ZNF644: variants seen among roughly 807,000 people sequenced by gnomAD.
The protein encoded by ZNF644 is zinc finger protein 644, also known as zinc finger motif enhancer binding protein 2.
In ZNF644, 20 loss-of-function variants were observed where a neutral mutation model predicts 108.0. The observed-to-expected ratio is 0.19, with a 90% CI of 0.13 to 0.27. The LOEUF is 0.27. Ranked by LOEUF, ZNF644 falls within the 10% of genes least tolerant of loss-of-function variation. ZNF644 has a pLI of 1.00. For synonymous variants in ZNF644, 542 were observed against 539.1 expected (o/e 1.01, Z -0.08); for missense variants, 1,338 against 1,548.9 (o/e 0.86, Z 2.29).
At chr1:91,005,999 C>T (rs993111721) in intron 1 of ZNF644, among the ~76,000 whole-genome samples, 1 of 151,672 alleles carries the variant, frequency 6.6e-6, no homozygotes, top group African/African-American at 2.4e-5. Flanking sequence ...AATTGACAAA[C>T]CTTTAGCTCA....
intron 1 of ZNF644, among the ~76,000 whole-genome samples, chr1:90,990,710 A>G (rs1366471196): frequency 2.6e-5 from 4 of 152,234 alleles, no homozygotes; most frequent in Non-Finnish European, 5.9e-5. Flanking sequence ...AAACTATCCA[A>G]GCAAGGAAGA....
chr1:90,967,239 C>G (rs1304730488), intron 2 of ZNF644, among the ~76,000 whole-genome samples: 1 of 152,132 alleles, frequency 6.6e-6, no homozygotes, highest in Non-Finnish European at 1.5e-5. Flanking sequence ...TTCCCTTGGT[C>G]TGGAATCCTC....
At chr1:91,010,735 T>TGGAGCTTCTA (rs1557662505) in intron 1 of ZNF644, among the ~76,000 whole-genome samples, 1 of 151,964 alleles carries the variant, frequency 6.6e-6, no homozygotes, top group Non-Finnish European at 1.5e-5. Context: ...CATGAGCTCT[T>TGGAGCTTCTA]TGGAGTAGAA....
At chr1:90,924,241 G>A (rs621261) in intron 4 of ZNF644, among the ~76,000 whole-genome samples, 21,292 of 152,106 alleles carry the variant, frequency 0.14, 1,561 homozygotes, top group African/African-American at 0.17. Flanking sequence ...TCTTTGTGGT[G>A]ACAGGTAAGA....
At chr1:90,943,168 G>A (rs376649559) in intron 2 of ZNF644, among the ~76,000 whole-genome samples, 3 of 152,012 alleles carry the variant, frequency 2.0e-5, no homozygotes, top group East Asian at 3.9e-4. Context: ...TAGGCTGGGC[G>A]CGGTGGCTCA....
intron 2 of ZNF644, among the ~76,000 whole-genome samples, chr1:90,951,844 C>T (rs1653206189): frequency 6.6e-6 from 1 of 152,180 alleles, no homozygotes; most frequent in African/African-American, 2.4e-5. Flanking sequence ...AAGAGAGCTG[C>T]CCAGAATCTT....
intron 1 of ZNF644, 148 bp downstream of exon 1, chr1:91,021,842 G>C (rs1291461694): frequency 2.5e-6 from 1 of 397,294 alleles, no homozygotes; most frequent in Non-Finnish European, 4.4e-6. Flanking sequence ...CTGGGACCCA[G>C]CCTAGGGCGT....
intron 4 of ZNF644, among the ~76,000 whole-genome samples, chr1:90,930,025 G>A (rs1250707130): frequency 6.6e-6 from 1 of 152,162 alleles, no homozygotes; most frequent in East Asian, 1.9e-4. Flanking sequence ...AGTGGCTCAC[G>A]CCTGTAATCC....
intron 2 of ZNF644, among the ~76,000 whole-genome samples, chr1:90,977,641 A>G (rs1656142794): frequency 6.6e-6 from 1 of 152,216 alleles, no homozygotes; most frequent in Admixed American, 6.5e-5. Context: ...ACTAGCAATA[A>G]GAGTATTAAG....
chr1:90,922,624 T>C (rs1557543158), intron 4 of ZNF644, among the ~76,000 whole-genome samples: 1 of 152,124 alleles, frequency 6.6e-6, no homozygotes. Context: ...GGGGTACACG[T>C]GCAGGTTTGT....
chr1:90,957,343 A>G (rs1037941231), intron 2 of ZNF644, among the ~76,000 whole-genome samples: 8 of 152,190 alleles, frequency 5.3e-5, no homozygotes, highest in African/African-American at 1.9e-4. Flanking sequence ...AGAAAACTAC[A>G]AATATCCATT....
intron 1 of ZNF644, among the ~76,000 whole-genome samples, chr1:90,986,315 G>A (rs358692): frequency 2.7e-5 from 4 of 150,820 alleles, no homozygotes; most frequent in African/African-American, 2.4e-5. Flanking sequence ...AAGGTGAAAA[G>A]AAAAAACAAA....
At chr1:90,952,082 C>A (rs1051734184) in intron 2 of ZNF644, among the ~76,000 whole-genome samples, 3 of 152,158 alleles carry the variant, frequency 2.0e-5, no homozygotes, top group African/African-American at 7.2e-5. Flanking sequence ...CCCTGACTCC[C>A]AGTCTTAGAA....
At position 90,937,849 on chromosome 1, in the gene ZNF644, A is replaced by G. The variant is rs151203549; in HGVS notation, c.3324T>C (p.Ala1108=). Residue 1108 remains alanine (A), a synonymous_variant, in exon 4 of 6, where the codon GCT becomes GCC. Transcript: ENST00000337393. ...AGTCATCACTTGATGCAAGTTTTTG[A>G]GCTACAAATGGTCTGGGAATAATAC... ...SRRIIPRPFV[A]QKLASSDDFI... 4.9e-4 allele frequency: 794 copies of G among 1,613,868 alleles called. 4 individuals are homozygous for G. The African/African-American group carries it at 9.5e-3, about 19-fold the overall frequency.
intron 5 of ZNF644, 34 bp from the exon 6 acceptor site, chr1:90,917,024 A>G (rs574128925): frequency 1.9e-6 from 3 of 1,606,692 alleles, no homozygotes; most frequent in Middle Eastern, 1.7e-4. Context: ...TAACATGACC[A>G]ATTCTCTTTC....
intron 2 of ZNF644, 60 bp from the exon 3 acceptor site, chr1:90,941,369 A>C: frequency 6.9e-7 from 1 of 1,441,106 alleles, no homozygotes; most frequent in Non-Finnish European, 9.5e-7. Context: ...ATTAGAATGT[A>C]TGGAGAGTTG....
intron 1 of ZNF644, among the ~76,000 whole-genome samples, chr1:90,984,783 G>A (rs1656928273): frequency 6.6e-6 from 1 of 152,126 alleles, no homozygotes; most frequent in Non-Finnish European, 1.5e-5. Context: ...AACAAAACCT[G>A]CCAACACCCT....
chr1:90,975,029 C>G (rs904323456), intron 2 of ZNF644, among the ~76,000 whole-genome samples: 1 of 152,140 alleles, frequency 6.6e-6, no homozygotes, highest in African/African-American at 2.4e-5. Context: ...AGTCCTTCCC[C>G]ACATTTTTTA....
chr1:90,989,559 G>T (rs548316027), intron 1 of ZNF644, among the ~76,000 whole-genome samples: 1 of 152,132 alleles, frequency 6.6e-6, no homozygotes, highest in Non-Finnish European at 1.5e-5. Flanking sequence ...AATATTGTAA[G>T]AAAGAAAAGA....
Sources: gnomAD v4.1 joint callset for allele counts (sites outside exome capture counted in the v4.1 genomes callset) on GRCh38, gnomAD v4.1.1 for gene constraint, MANE v1.5 for transcripts, NCBI Gene and HGNC (gene_info 2026-07-23, HGNC 2026-07-21) for gene names.